AASS: variants seen among roughly 807,000 people sequenced by gnomAD.
AASS encodes alpha-aminoadipic semialdehyde synthase, mitochondrial.
Under a neutral mutation model 105.4 loss-of-function variants are expected in AASS, and 86 were observed. The ratio of observed to expected loss-of-function variants is 0.82; its 90% CI spans 0.69 to 0.98. The LOEUF is 0.98. Ranked by LOEUF, AASS falls within the 50% of genes least tolerant of loss-of-function variation. The pLI is 0.00. For missense variants in AASS, 1,048 were observed against 1,143.2 expected (o/e 0.92, Z 1.20); for synonymous variants, 381 against 394.8 (o/e 0.96, Z 0.41).
chr7:122,081,094 C>T (rs777021277), intron 20 of AASS, among the ~76,000 whole-genome samples: 1 of 152,124 alleles, frequency 6.6e-6, no homozygotes, highest in Non-Finnish European at 1.5e-5. Context: ...AATGAGAGTA[C>T]TGACAAGATT....
intron 15 of AASS, among the ~76,000 whole-genome samples, chr7:122,096,531 G>C (rs1167172992): frequency 6.6e-6 from 1 of 152,012 alleles, no homozygotes; most frequent in African/African-American, 2.4e-5. Flanking sequence ...GGGTGGTTGA[G>C]GTGGGAGGAT....
Position 122,140,485 on chromosome 7 carries a change from C to CAAAAAAAAAAAAA in AASS, c.-16+3663_-16+3675dup, listed in dbSNP as rs57828681. ...TGGGCGACAGAGCGAGACTCAGTCT[C>CAAAAAAAAAAAAA]AAAAAAAAAAAAAAAAAAAAAAAGA... On this transcript the variant is annotated intron_variant, in intron 1 of 23. Coordinates refer to ENST00000417368, the MANE Select transcript of AASS (RefSeq NM_005763.4). 4.8e-3 allele frequency among the ~76,000 whole-genome samples: 177 copies of CAAAAAAAAAAAAA among 37,254 alleles called. 9 individuals carry two copies. The highest frequency in any genetic ancestry group is 9.1e-3 in the African/African-American group (84 of 9,202). 24.4% of individuals were successfully genotyped at this position (37,254 alleles called of 152,430 possible). A position where few individuals can be genotyped will look rare whatever the true frequency, so the allele number is the denominator to read the frequency against.
chr7:122,097,640 GA>G (rs1192238885), intron 15 of AASS, among the ~76,000 whole-genome samples: 1 of 151,932 alleles, frequency 6.6e-6, no homozygotes, highest in Admixed American at 6.6e-5. Context: ...TCTGTGTCTA[GA>G]TGTTAGATCT....
chr7:122,107,950 C>CA (rs71172163), intron 11 of AASS, among the ~76,000 whole-genome samples: 75 of 107,904 alleles, frequency 7.0e-4, no homozygotes, highest in South Asian at 1.8e-3. Context: ...ACCCACAACT[C>CA]AAAAAAAAAA....
In AASS at chr7:122,144,231, C is replaced by G. The variant is rs1321090992; in HGVS notation, c.-86G>C. 6.6e-6 allele frequency: 1 copy of G among 152,394 alleles called. No individual in the cohort carries two copies. The highest frequency in any genetic ancestry group is 2.4e-5 in the African/African-American group (1 of 41,466). 9.4% of individuals were successfully genotyped at this position (152,394 alleles called of 1,614,324 possible). A position where few individuals can be genotyped will look rare whatever the true frequency, so the allele number is the denominator to read the frequency against. ...TTCCGAGTCGCTGCAGGGGAGGCTC[C>G]GAATTCCTAGAAGAAACTGGGATGG... is the stretch of plus-strand genomic sequence containing the variant. On this transcript the variant is annotated 5_prime_UTR_variant, in exon 1 of 24. Coordinates refer to ENST00000417368, the MANE Select transcript of AASS (RefSeq NM_005763.4).
At chr7:122,141,460 G>C (rs1343992092) in intron 1 of AASS, among the ~76,000 whole-genome samples, 2 of 152,120 alleles carry the variant, frequency 1.3e-5, no homozygotes, top group African/African-American at 2.4e-5. Context: ...CTGCAAATGT[G>C]TATGAGTTGT....
chr7:122,077,356 A>G (rs1286683380), intron 23 of AASS, among the ~76,000 whole-genome samples: 1 of 152,214 alleles, frequency 6.6e-6, no homozygotes, highest in Non-Finnish European at 1.5e-5. Flanking sequence ...GAAGACTAAT[A>G]AAACTTAACC....
chr7:122,118,540 T>A (rs1339057670), intron 5 of AASS, 23 bp downstream of exon 5: 8 of 1,613,924 alleles, frequency 5.0e-6, no homozygotes, highest in Non-Finnish European at 5.1e-6. Flanking sequence ...TTCAAAAAAA[T>A]TAGCAAAATA....
chr7:122,133,552 T>G lies in AASS; in HGVS notation c.175A>C (p.Ile59Leu). Residue 59 changes from isoleucine to leucine, a missense_variant, in exon 2 of 24, where the codon ATA (isoleucine) becomes CTA (leucine). Transcript: ENST00000417368. Reference protein sequence around the residue: ...GITNLGYKVLIQPSNRRAIHD... With the variant: ...GITNLGYKVLLQPSNRRAIHD... The stretch of plus-strand genomic sequence containing the variant: ...ATGGCCCGCCGATTCGAAGGCTGTA[T>G]CAAGACCTTGTATCCCAGATTGGTG... 4.3e-6 allele frequency: 7 copies of G among 1,614,216 alleles called. No homozygotes were observed. Among genetic ancestry groups the G allele is most frequent in the Non-Finnish European group, 5.9e-6 (7 of 1,180,032 alleles).
At chr7:122,088,067 T>C (rs1793712727) in intron 18 of AASS, among the ~76,000 whole-genome samples, 1 of 152,184 alleles carries the variant, frequency 6.6e-6, no homozygotes, top group Non-Finnish European at 1.5e-5. Flanking sequence ...TTCTTTCTTG[T>C]TTATTATTTT....
At chr7:122,084,561 A>G (rs1793527938) in intron 19 of AASS, among the ~76,000 whole-genome samples, 2 of 152,144 alleles carry the variant, frequency 1.3e-5, no homozygotes, top group African/African-American at 4.8e-5. Flanking sequence ...TTACATGCAG[A>G]ATTTTTTTTT....
At chr7:122,092,610 G>C (rs1793957683) in intron 17 of AASS, among the ~76,000 whole-genome samples, 1 of 152,076 alleles carries the variant, frequency 6.6e-6, no homozygotes, top group African/African-American at 2.4e-5. Context: ...TGTAATCCCA[G>C]CTACTTGGGA....
intron 11 of AASS, among the ~76,000 whole-genome samples, chr7:122,111,834 G>A (rs1794951318): frequency 6.6e-6 from 1 of 152,136 alleles, no homozygotes; most frequent in Non-Finnish European, 1.5e-5. Context: ...AACCTGGGAG[G>A]TGGAGGTTGC....
intron 11 of AASS, among the ~76,000 whole-genome samples, chr7:122,107,146 T>A (rs1336366828): frequency 6.6e-6 from 1 of 152,094 alleles, no homozygotes; most frequent in Non-Finnish European, 1.5e-5. Context: ...AAATTCAACA[T>A]CACTGATAAT....
At chr7:122,121,322 A>C (rs1239381756) in intron 4 of AASS, among the ~76,000 whole-genome samples, 1 of 152,168 alleles carries the variant, frequency 6.6e-6, no homozygotes, top group Non-Finnish European at 1.5e-5. Flanking sequence ...TTGGTGACAT[A>C]AGTTTTATTT....
At chr7:122,110,698 T>TA (rs1008111691) in intron 11 of AASS, among the ~76,000 whole-genome samples, 1 of 151,868 alleles carries the variant, frequency 6.6e-6, no homozygotes, top group African/African-American at 2.4e-5. Context: ...TTAAGCTCTC[T>TA]AATGAACATA....
chr7:122,101,494 C>T, intron 12 of AASS, 56 bp from the exon 13 acceptor site: 1 of 1,527,178 alleles, frequency 6.5e-7, no homozygotes, highest in Non-Finnish European at 9.1e-7. Flanking sequence ...GTCCTACAAA[C>T]AAGGTGTCAT....
intron 21 of AASS, chr7:122,079,358 T>C: frequency 7.2e-7 from 1 of 1,379,706 alleles, no homozygotes; most frequent in East Asian, 2.9e-5. Flanking sequence ...CCCACTATGC[T>C]TGGGAACTGA....
At chr7:122,133,867 G>A (rs752722762) in intron 1 of AASS, 126 bp from the exon 2 acceptor site, 1 of 849,080 alleles carries the variant, frequency 1.2e-6, no homozygotes, top group Admixed American at 2.1e-5. Context: ...AGGTAGAGAA[G>A]AGGGAAGGGA....
Sources: gnomAD v4.1 joint callset for allele counts (sites outside exome capture counted in the v4.1 genomes callset) on GRCh38, gnomAD v4.1.1 for gene constraint, MANE v1.5 for transcripts, NCBI Gene and HGNC (gene_info 2026-07-23, HGNC 2026-07-21) for gene names.